HYAL4: variants seen among roughly 807,000 people sequenced by gnomAD.
The protein encoded by HYAL4 is hyaluronidase 4.
HYAL4 carries 37 observed loss-of-function variants against 35.2 expected under a neutral mutation model. The ratio of observed to expected loss-of-function variants is 1.05; its 90% CI spans 0.81 to 1.38. The LOEUF is 1.38. HYAL4 is among the 40% of genes most tolerant of loss of function. The pLI is 0.00. For synonymous variants in HYAL4, 198 were observed against 203.2 expected, an observed-to-expected ratio of 0.97 and a Z score of 0.22; for missense variants, 572 against 572.4, an observed-to-expected ratio of 1.00 and a Z score of 0.01.
upstream of HYAL4, among the ~76,000 whole-genome samples, chr7:123,841,779 A>C (rs889947511): frequency 6.6e-6 from 1 of 151,858 alleles, no homozygotes; most frequent in Admixed American, 6.6e-5. Context: ...GTTTATTTGC[A>C]TAGAGGTGTT....
chr7:123,844,192 AC>A (rs1338118717), upstream of HYAL4: 2 of 149,656 alleles, frequency 1.3e-5, no homozygotes, highest in East Asian at 2.0e-4. Context: ...GGTGTAGATG[AC>A]CTTTTTGTTG....
chr7:123,854,927 TA>T (rs1174222785), intron 2 of HYAL4, among the ~76,000 whole-genome samples: 2 of 152,366 alleles, frequency 1.3e-5, no homozygotes, highest in Admixed American at 1.3e-4. Flanking sequence ...CATATATATT[TA>T]GGACAGTTAG....
At chr7:123,840,350 C>T (rs1806033272), upstream of HYAL4, among the ~76,000 whole-genome samples, 1 of 152,066 alleles carries the variant, frequency 6.6e-6, no homozygotes, top group South Asian at 2.1e-4. Context: ...GTCTATATAT[C>T]TGTTTTGGTA....
At chr7:123,775,491 T>C in the HYAL4 span, among the ~76,000 whole-genome samples, 1 of 152,126 alleles carries the variant, frequency 6.6e-6, no homozygotes, top group Admixed American at 6.6e-5. Context: ...TTATATTCCA[T>C]ACTAAAGCTA....
the HYAL4 span, among the ~76,000 whole-genome samples, chr7:123,765,364 C>T: frequency 6.6e-6 from 1 of 152,102 alleles, no homozygotes; most frequent in Non-Finnish European, 1.5e-5. Context: ...ATACAATTAA[C>T]TATACATTAG....
the HYAL4 span, among the ~76,000 whole-genome samples, chr7:123,820,371 G>C: frequency 1.3e-5 from 2 of 151,918 alleles, no homozygotes; most frequent in African/African-American, 4.8e-5. Context: ...ATCACTTGTG[G>C]TCAGGAGTTC....
At chr7:123,805,673 AG>A in the HYAL4 span, among the ~76,000 whole-genome samples, 1 of 152,180 alleles carries the variant, frequency 6.6e-6, no homozygotes, top group Non-Finnish European at 1.5e-5. Flanking sequence ...AAAAAAGAGA[AG>A]ATACAAAATG....
chr7:123,782,553 A>G, the HYAL4 span, among the ~76,000 whole-genome samples: 22 of 151,392 alleles, frequency 1.5e-4, no homozygotes, highest in African/African-American at 5.3e-4. Context: ...TAGGGTGACC[A>G]TACATCCTGA....
the HYAL4 span, among the ~76,000 whole-genome samples, chr7:123,822,991 AAG>A: frequency 6.6e-6 from 1 of 152,138 alleles, no homozygotes; most frequent in South Asian, 2.1e-4. Context: ...AAATGAATAA[AAG>A]AGAAGTGATT....
the HYAL4 span, among the ~76,000 whole-genome samples, chr7:123,804,208 C>T: frequency 1.3e-5 from 2 of 152,100 alleles, no homozygotes; most frequent in Non-Finnish European, 2.9e-5. Context: ...GTTTTTGTAA[C>T]GAAGTATATG....
intron 1 of HYAL4, among the ~76,000 whole-genome samples, chr7:123,847,196 TTTTG>T (rs979213969): frequency 3.3e-5 from 5 of 152,154 alleles, no homozygotes; most frequent in African/African-American, 7.2e-5. Context: ...CTACTATGGT[TTTTG>T]TTTGTTTTTG....
At chr7:123,788,168 TAAA>T in the HYAL4 span, among the ~76,000 whole-genome samples, 1 of 152,184 alleles carries the variant, frequency 6.6e-6, no homozygotes, top group African/African-American at 2.4e-5. Context: ...GATAAAATTT[TAAA>T]AATTAAGCTG....
upstream of HYAL4, among the ~76,000 whole-genome samples, chr7:123,826,781 C>A (rs750557990): frequency 6.6e-6 from 1 of 151,962 alleles, no homozygotes; most frequent in Non-Finnish European, 1.5e-5. Flanking sequence ...ATCATCCAGG[C>A]GAGAGCTAGT....
intron 2 of HYAL4, among the ~76,000 whole-genome samples, chr7:123,854,706 G>A (rs1358529333): frequency 6.6e-6 from 1 of 152,184 alleles, no homozygotes; most frequent in Non-Finnish European, 1.5e-5. Flanking sequence ...TGTTGATTTT[G>A]GGTGGAGAGT....
At chr7:123,779,333 A>G in the HYAL4 span, among the ~76,000 whole-genome samples, 1 of 152,092 alleles carries the variant, frequency 6.6e-6, no homozygotes, top group African/African-American at 2.4e-5. Flanking sequence ...GAGTGCTACA[A>G]CCTAACATTT....
the HYAL4 span, among the ~76,000 whole-genome samples, chr7:123,796,450 G>C: frequency 6.6e-6 from 1 of 152,164 alleles, no homozygotes; most frequent in African/African-American, 2.4e-5. Flanking sequence ...GATGCTATCA[G>C]TTCTATTTAT....
intron 3 of HYAL4, among the ~76,000 whole-genome samples, chr7:123,869,837 A>ACCCCCCC (rs36110237): frequency 8.6e-5 from 12 of 140,054 alleles, no homozygotes; most frequent in African/African-American, 1.9e-4. Context: ...ACAGGTGCTC[A>ACCCCCCC]CCCCCCCCCA....
the HYAL4 span, among the ~76,000 whole-genome samples, chr7:123,779,346 C>T: frequency 1.2e-4 from 18 of 152,028 alleles, no homozygotes; most frequent in Admixed American, 9.2e-4. Flanking sequence ...TAACATTTCT[C>T]GGGGCAGTGA....
At position 123,868,950 on chromosome 7, in the gene HYAL4, A is replaced by C. The variant is rs779217165; in HGVS notation, c.677A>C (p.Tyr226Ser). ...GYYLYPDCHN[Y>S]NVYAPNYSGS... ...TATTTATATCCTGATTGCCACAATT[A>C]TAACGTTTATGCCCCAAACTACTCT... Residue 226 changes from tyrosine (Y) to serine (S), a missense_variant, in exon 3 of 5, where the codon TAT becomes TCT. Coordinates refer to ENST00000223026, the MANE Select transcript of HYAL4 (RefSeq NM_012269.3). The C allele has an allele frequency of 2.5e-6, 4 of 1,613,900 alleles. No individual in the cohort carries two copies. The African/African-American group carries it at 5.3e-5, about 22-fold the overall frequency.
Sources: gnomAD v4.1 joint callset for allele counts (sites outside exome capture counted in the v4.1 genomes callset) on GRCh38, gnomAD v4.1.1 for gene constraint, MANE v1.5 for transcripts, NCBI Gene and HGNC (gene_info 2026-07-23, HGNC 2026-07-21) for gene names.